The following ATP11A variants were observed in gnomAD, a reference collection of about 807,000 sequenced individuals.
The protein encoded by ATP11A is ATPase phospholipid transporting 11A.
In ATP11A, 81 loss-of-function variants were observed where a neutral mutation model predicts 154.4. The ratio of observed to expected loss-of-function variants is 0.52; its 90% CI spans 0.44 to 0.63. The LOEUF (loss-of-function observed/expected upper bound fraction) is 0.63, where lower values mean the gene tolerates loss of function less well. ATP11A is among the 30% of genes least tolerant of loss of function. The pLI, the probability that ATP11A is intolerant of heterozygous loss-of-function variation, is 0.00. For missense variants in ATP11A, 1,316 were observed against 1,474.3 expected, an observed-to-expected ratio of 0.89 and a Z score of 1.76; for synonymous variants, 623 against 585.9, an observed-to-expected ratio of 1.06 and a Z score of -0.91.
At chr13:112,835,500 C>T (rs1009451936) in intron 15 of ATP11A, among the ~76,000 whole-genome samples, 2 of 152,242 alleles carry the variant, frequency 1.3e-5, no homozygotes, top group African/African-American at 4.8e-5. Flanking sequence ...CCGCAACTCA[C>T]TGCCGTTGAG....
At chr13:112,760,065 A>G (rs2076929474) in intron 1 of ATP11A, among the ~76,000 whole-genome samples, 1 of 152,210 alleles carries the variant, frequency 6.6e-6, no homozygotes, top group African/African-American at 2.4e-5. Flanking sequence ...GAAGAGAAAT[A>G]GAAAGATTTG....
In ATP11A at chr13:112,708,680, C is replaced by T. The variant is rs150193070; in HGVS notation, c.39+18225C>T. Among the ~76,000 whole-genome samples, 489 of 152,342 alleles carry T rather than the reference C, an allele frequency of 3.2e-3. 5 individuals carry two copies. Among genetic ancestry groups the T allele is most frequent in the East Asian group, 0.031 (158 of 5,174 alleles). On this transcript the variant is annotated intron_variant, in intron 1 of 29. Coordinates refer to ENST00000375645, the MANE Select transcript of ATP11A (RefSeq NM_015205.3). Reference sequence around the variant, plus strand: ...CGACTGAGTCTGATGGACAGTTTCTCGGCTTCCCTGGCTGTCACTCAGATG... The same window carrying T: ...CGACTGAGTCTGATGGACAGTTTCTTGGCTTCCCTGGCTGTCACTCAGATG...
chr13:112,854,637 TC>T, intron 19 of ATP11A, 107 bp downstream of exon 19: 1 of 1,350,748 alleles, frequency 7.4e-7, no homozygotes, highest in Admixed American at 2.4e-5. Context: ...TACTGGGAAT[TC>T]GGTTCTCCCC....
At chr13:112,803,573 C>T (rs949428264) in intron 2 of ATP11A, among the ~76,000 whole-genome samples, 7 of 133,860 alleles carry the variant, frequency 5.2e-5, no homozygotes, top group East Asian at 2.0e-4. Context: ...AGTGAAGGTT[C>T]GTGACATCTG....
At position 112,690,038 on chromosome 13, in the gene ATP11A, A is replaced by C. The variant is rs958998108; in HGVS notation, c.-379A>C. Among the ~76,000 whole-genome samples, 46 of 148,646 alleles carry C rather than the reference A, an allele frequency of 3.1e-4. 1 individual carries two copies. The highest frequency in any genetic ancestry group is 1.1e-3 in the African/African-American group (46 of 41,074). ...GGAGCCAGCGGGGCCCGGAGGCTCC[A>C]GAGGGCGGCGGGCAGGGGAGGAGGA... On this transcript the variant is annotated 5_prime_UTR_variant, in exon 1 of 30. Coordinates refer to ENST00000375645, the MANE Select transcript of ATP11A (RefSeq NM_015205.3). This position sits in a 1 kb window ranked among gnomAD's most constrained non-coding sequence, Gnocchi z 5.6.
rs188391649 is a variant in ATP11A, at chr13:112,878,219, T to C, written c.3330T>C (p.Thr1110=). 5 of 1,614,188 alleles carry C rather than the reference T, an allele frequency of 3.1e-6. No individual in the cohort carries two copies. Among genetic ancestry groups the C allele is most frequent in the African/African-American group, 2.7e-5 (2 of 75,070 alleles). Residue 1110 remains threonine (T), a splice_region_variant and synonymous_variant, in exon 29 of 30, where the codon ACT becomes ACC. Transcript: ENST00000375645. ...TGGCCGCTGACCTCGGGACTAAGAC[T>C]AAGAGCCAGTGCCTTTCTGTCGAGC... ...LWPTATERVQ[T]KSQCLSVEQS... is the part of the protein sequence containing the mutation.
In ATP11A at chr13:112,857,038, C is replaced by G. The variant is rs74854475; in HGVS notation, c.2419-780C>G. Among the ~76,000 whole-genome samples the G allele has an allele frequency of 6.5e-3, 992 of 152,338 alleles. 10 individuals carry two copies. The highest frequency in any genetic ancestry group is 0.022 in the African/African-American group (934 of 41,570). On this transcript the variant is annotated intron_variant, in intron 20 of 29. Coordinates refer to ENST00000375645, the MANE Select transcript of ATP11A (RefSeq NM_015205.3). The stretch of plus-strand genomic sequence containing the variant: ...GCACATAAACCTTACAGAATTACTT[C>G]CCAAATGGAACAGCAACTAAGGATT...
At position 112,690,436 on chromosome 13, in the gene ATP11A, G is replaced by C. The variant is rs556529412; in HGVS notation, c.20G>C (p.Arg7Pro). 607 of 1,349,384 alleles carry C rather than the reference G, an allele frequency of 4.5e-4. 4 individuals carry two copies. Among genetic ancestry groups the C allele is most frequent in the Middle Eastern group, 5.0e-4 (2 of 3,988 alleles). The allele number at this position is 1,349,384 out of a possible 1,614,324, so 83.6% of individuals were successfully genotyped here. Residue 7 changes from arginine to proline, a missense_variant, in exon 1 of 30, where the codon CGG (arginine) becomes CCG (proline). Around this residue, in one of 5 missense-constraint regions of ATP11A, gnomAD observed 123 missense variants for 113.7 expected, o/e 1.08. Transcript: ENST00000375645. The surrounding 1 kb of genome is among the most constrained non-coding windows in gnomAD (Gnocchi z 5.6). Reference protein sequence around the residue: MDCSLVRTLVHRYCAGE... With the variant: MDCSLVPTLVHRYCAGE... ...GGAGCCATGGACTGCAGCCTCGTGC[G>C]GACGCTCGTGCACAGATACGTGAGT...
At chr13:112,828,330 C>A (rs529110297) in intron 12 of ATP11A, among the ~76,000 whole-genome samples, 3 of 121,582 alleles carry the variant, frequency 2.5e-5, no homozygotes, top group Admixed American at 1.1e-4. Context: ...AAGCACCCAG[C>A]AGTGTTGAGT....
intron 1 of ATP11A, among the ~76,000 whole-genome samples, chr13:112,704,892 CACGAAG>C (rs1192934351): frequency 6.6e-6 from 1 of 152,184 alleles, no homozygotes; most frequent in Non-Finnish European, 1.5e-5. Flanking sequence ...TCAGATTGCC[CACGAAG>C]ACATGGAAAT....
chr13:112,699,122 A>T (rs901535556), intron 1 of ATP11A, among the ~76,000 whole-genome samples: 1 of 152,204 alleles, frequency 6.6e-6, no homozygotes, highest in Non-Finnish European at 1.5e-5. Flanking sequence ...CGTTCTTTCA[A>T]ATGTGATTTG....
chr13:112,743,078 C>T (rs540612496), intron 1 of ATP11A, among the ~76,000 whole-genome samples: 19 of 152,288 alleles, frequency 1.2e-4, no homozygotes, highest in Admixed American at 3.9e-4. Flanking sequence ...GAGGCGAAGT[C>T]GTTAGCCTGC....
intron 12 of ATP11A, among the ~76,000 whole-genome samples, chr13:112,830,982 T>C (rs1566542716): frequency 6.6e-6 from 1 of 152,118 alleles, no homozygotes; most frequent in African/African-American, 2.4e-5. Context: ...TTTTTTATTG[T>C]TGTTGTTAAG....
intron 2 of ATP11A, among the ~76,000 whole-genome samples, chr13:112,791,814 G>A (rs955011540): frequency 1.3e-5 from 2 of 152,152 alleles, no homozygotes; most frequent in East Asian, 1.9e-4. Context: ...GATCCGGGGA[G>A]CCCTGCAGGT....
chr13:112,836,307 T>A, intron 16 of ATP11A, 56 bp downstream of exon 16: 1 of 1,081,136 alleles, frequency 9.2e-7, no homozygotes, highest in Non-Finnish European at 1.4e-6. Context: ...TGTGTTTTAT[T>A]CTGATGACTA....
intron 1 of ATP11A, among the ~76,000 whole-genome samples, chr13:112,729,466 CCCAGAG>C (rs920847755): frequency 1.3e-5 from 2 of 152,076 alleles, no homozygotes; most frequent in African/African-American, 4.8e-5. Context: ...GCATTGCAGG[CCCAGAG>C]TATCTAACGC....
At chr13:112,852,787 G>GT (rs1413887643) in intron 18 of ATP11A, among the ~76,000 whole-genome samples, 4 of 145,130 alleles carry the variant, frequency 2.8e-5, no homozygotes, top group Non-Finnish European at 6.0e-5. Flanking sequence ...CTGGTTGGCG[G>GT]GGGGGGATCT....
At chr13:112,820,034 C>T (rs9603957) in intron 8 of ATP11A, 84 bp downstream of exon 8, 91,612 of 1,335,676 alleles carry the variant, frequency 0.069, 3,721 homozygotes, top group African/African-American at 0.17. Flanking sequence ...AGGGTTTCCA[C>T]GGCGGCTGCT....
intron 1 of ATP11A, among the ~76,000 whole-genome samples, chr13:112,770,037 C>G (rs76203373): frequency 0.025 from 3,845 of 152,322 alleles, 176 homozygotes; most frequent in African/African-American, 0.088. Context: ...ACTGCACCCC[C>G]CAATCCTGGA....
Sources: gnomAD v4.1 joint callset for allele counts (sites outside exome capture counted in the v4.1 genomes callset) on GRCh38, gnomAD v4.1.1 for gene constraint, gnomAD v4.1.1 regional missense constraint, Gnocchi (gnomAD v3.1) non-coding constraint, MANE v1.5 for transcripts, NCBI Gene and HGNC (gene_info 2026-07-23, HGNC 2026-07-21) for gene names.